GOLM1: variants seen among roughly 807,000 people sequenced by gnomAD.
GOLM1 encodes the protein epididymis luminal protein 46.
Under a neutral mutation model 50.5 loss-of-function variants are expected in GOLM1, and 31 were observed. The ratio of observed to expected loss-of-function variants is 0.61; its 90% CI spans 0.46 to 0.83. GOLM1 has a LOEUF of 0.83. Among genes scored for constraint, GOLM1 ranks in the 40% least tolerant of loss-of-function variants. GOLM1 has a pLI of 0.00. For synonymous variants in GOLM1, 178 were observed against 192.8 expected (o/e 0.92, Z 0.64); for missense variants, 491 against 501.3 (o/e 0.98, Z 0.20).
At chr9:86,090,323 A>C (rs559906118) in intron 1 of GOLM1, among the ~76,000 whole-genome samples, 1 of 152,104 alleles carries the variant, frequency 6.6e-6, no homozygotes, top group Non-Finnish European at 1.5e-5. Context: ...AGGAACATTT[A>C]AGTCTGCTGA....
At chr9:86,078,715 C>T (rs888829938) in intron 2 of GOLM1, among the ~76,000 whole-genome samples, 1 of 152,100 alleles carries the variant, frequency 6.6e-6, no homozygotes, top group African/African-American at 2.4e-5. Context: ...CATGACTGCA[C>T]CGGTAAATGA....
chr9:86,052,422 T>C, intron 4 of GOLM1, 115 bp downstream of exon 4: 2 of 835,818 alleles, frequency 2.4e-6, no homozygotes, highest in Non-Finnish European at 4.1e-6. Context: ...CAATGACTCA[T>C]GACACTATCC....
At chr9:86,040,089 T>G (rs967966275) in intron 6 of GOLM1, among the ~76,000 whole-genome samples, 1 of 151,996 alleles carries the variant, frequency 6.6e-6, no homozygotes, top group African/African-American at 2.4e-5. Context: ...TGTCTAGGGC[T>G]GTGGGGACTG....
rs1832835861 is a variant in GOLM1, at chr9:86,027,918, T to A, written c.1130-25A>T. The A allele has an allele frequency of 2.9e-6, 4 of 1,373,124 alleles. No homozygotes were observed. The East Asian group carries it at 9.2e-5, about 32-fold the overall frequency. The allele number at this position is 1,373,124 out of a possible 1,614,324, so 85.1% of individuals were successfully genotyped here. A position where few individuals can be genotyped will look rare whatever the true frequency, so the allele number is the denominator to read the frequency against. ...ACTAAAAAGGAAAAACACATAATAT[T>A]CTATAGAGTATTAAATGAGATACTA... is the stretch of plus-strand genomic sequence containing the variant. On this transcript the variant is annotated intron_variant, in intron 9 of 9. Transcript: ENST00000388712.
chr9:86,027,981 A>G, intron 9 of GOLM1, 88 bp from the exon 10 acceptor site: 1 of 727,060 alleles, frequency 1.4e-6, no homozygotes, highest in East Asian at 2.7e-5. Flanking sequence ...AACTTCTAGA[A>G]ACTGTCATAA....
At position 86,027,743 on chromosome 9, in the gene GOLM1, A is replaced by G. The variant is rs986831681; in HGVS notation, c.*74T>C. ...TTATTTAGTACATTTCACAGTTTTC[A>G]GTATTCAGTCCCTCATGAACATTTT... is the stretch of plus-strand genomic sequence containing the variant. On this transcript the variant is annotated 3_prime_UTR_variant, in exon 10 of 10. Coordinates refer to ENST00000388712, the MANE Select transcript of GOLM1 (RefSeq NM_016548.4). 3.2e-6 allele frequency: 5 copies of G among 1,546,032 alleles called. No individual in the cohort carries two copies. Among genetic ancestry groups the G allele is most frequent in the Non-Finnish European group, 4.4e-6 (5 of 1,147,618 alleles).
intron 1 of GOLM1, among the ~76,000 whole-genome samples, chr9:86,085,443 C>T (rs1834923423): frequency 8.0e-6 from 1 of 124,510 alleles, no homozygotes; most frequent in African/African-American, 3.4e-5. Context: ...AAATTTTGCC[C>T]AAAGTTTTTG....
intron 3 of GOLM1, among the ~76,000 whole-genome samples, chr9:86,052,998 A>ACCACACCAAACACACCACT (rs1833812496): frequency 2.6e-5 from 4 of 151,498 alleles, no homozygotes; most frequent in Non-Finnish European, 4.4e-5. Flanking sequence ...GACACACCAA[A>ACCACACCAAACACACCACT]CCACACCACA....
intron 1 of GOLM1, among the ~76,000 whole-genome samples, chr9:86,083,471 G>A (rs1007783732): frequency 1.1e-4 from 16 of 152,134 alleles, no homozygotes; most frequent in Admixed American, 2.6e-4. Flanking sequence ...TGCAACCTCC[G>A]ACTCCCAGGT....
At position 86,034,089 on chromosome 9, in the gene GOLM1, C is replaced by T. The variant is rs573602211; in HGVS notation, c.1016-694G>A. Among the ~76,000 whole-genome samples the T allele has an allele frequency of 9.9e-5, 15 of 152,026 alleles. No homozygotes were observed. The South Asian group carries it at 2.9e-3, about 29-fold the overall frequency. On this transcript the variant is annotated intron_variant, in intron 8 of 9. Transcript: ENST00000388712. ...AAGCGATTCTCCTGCCTCAGCCTCC[C>T]GAGTGGCTGGGATTACAGGCACGTG...
intron 1 of GOLM1, among the ~76,000 whole-genome samples, chr9:86,083,215 T>C (rs1834839891): frequency 6.6e-6 from 1 of 152,222 alleles, no homozygotes; most frequent in Non-Finnish European, 1.5e-5. Context: ...ACTATGTGAA[T>C]CCAACCCAGG....
intron 4 of GOLM1, among the ~76,000 whole-genome samples, chr9:86,049,923 C>G (rs536459655): frequency 7.9e-5 from 12 of 152,128 alleles, no homozygotes; most frequent in South Asian, 4.1e-4. Context: ...AGTGGTGAGA[C>G]AGGGCATCCC....
chr9:86,031,296 AG>A (rs757149505), intron 9 of GOLM1, among the ~76,000 whole-genome samples: 1 of 152,110 alleles, frequency 6.6e-6, no homozygotes, highest in Non-Finnish European at 1.5e-5. Context: ...TGCTGCCCTG[AG>A]GATTTCTGCT....
At chr9:86,085,198 T>C (rs1272953778) in intron 1 of GOLM1, among the ~76,000 whole-genome samples, 1 of 152,198 alleles carries the variant, frequency 6.6e-6, no homozygotes, top group Non-Finnish European at 1.5e-5. Context: ...GACAATCTCA[T>C]TAGTGATATT....
chr9:86,037,452 A>AT (rs1020908089), intron 6 of GOLM1, among the ~76,000 whole-genome samples: 2 of 151,998 alleles, frequency 1.3e-5, no homozygotes, highest in African/African-American at 4.8e-5. Flanking sequence ...AAAAAAAAAA[A>AT]AAAAAAGAAA....
intron 3 of GOLM1, among the ~76,000 whole-genome samples, chr9:86,056,666 T>C (rs1332958240): frequency 1.3e-5 from 2 of 151,744 alleles, no homozygotes; most frequent in Non-Finnish European, 2.9e-5. Context: ...CCACCACGCC[T>C]GGCTAATTTT....
intron 1 of GOLM1, among the ~76,000 whole-genome samples, chr9:86,082,713 T>C (rs1026666996): frequency 2.0e-5 from 3 of 152,178 alleles, no homozygotes; most frequent in African/African-American, 7.2e-5. Flanking sequence ...GTGCTGGGAG[T>C]ACAGGCGTGA....
chr9:86,030,584 A>G (rs1348582921), intron 9 of GOLM1, among the ~76,000 whole-genome samples: 5 of 152,222 alleles, frequency 3.3e-5, no homozygotes, highest in African/African-American at 7.2e-5. Context: ...GACCAACAAC[A>G]TAAATGATAA....
At chr9:86,036,664 G>A in intron 6 of GOLM1, 157 bp from the exon 7 acceptor site, 1 of 676,648 alleles carries the variant, frequency 1.5e-6, no homozygotes, top group African/African-American at 1.8e-5. Flanking sequence ...TCACGCCCTG[G>A]TCATGTGGCG....
Sources: allele counts gnomAD v4.1 joint callset (sites outside exome capture counted in the v4.1 genomes callset), GRCh38; gene constraint gnomAD v4.1.1; transcripts MANE v1.5; gene names NCBI Gene and HGNC (gene_info 2026-07-23, HGNC 2026-07-21).